THRAP3: variants seen among roughly 807,000 people sequenced by gnomAD.
The protein encoded by THRAP3 is thyroid hormone receptor-associated protein 3.
A neutral mutation model predicts 101.0 loss-of-function variants in THRAP3; 16 were observed. That is an observed-to-expected ratio of 0.16 (90% CI 0.11 to 0.24). The LOEUF is 0.24. Ranked by LOEUF, THRAP3 falls within the 10% of genes least tolerant of loss-of-function variation. The probability of loss-of-function intolerance (pLI) is 1.00; values close to 1 mark genes in which losing one functional copy is unlikely to be tolerated. For missense variants in THRAP3, 989 were observed against 1,202.7 expected, an observed-to-expected ratio of 0.82 and a Z score of 2.63; for synonymous variants, 407 against 422.6, an observed-to-expected ratio of 0.96 and a Z score of 0.45.
In THRAP3 at chr1:36,292,734, AG is replaced by A. The variant is rs760426994; in HGVS notation, c.2030+27del. 2.3e-5 allele frequency: 36 copies of A among 1,545,758 alleles called. No individual in the cohort carries two copies. In the South Asian group the frequency reaches 4.2e-4, roughly 18 times the overall value. On this transcript the variant is annotated intron_variant, in intron 7 of 11. Coordinates refer to ENST00000354618, the MANE Select transcript of THRAP3 (RefSeq NM_005119.4). ...GGTAAGGACCATGGCCTTATACTGGAGGTTGTAATAAAAGACTTTGTATCAG... is the reference window on the plus strand; with the variant it reads ...GGTAAGGACCATGGCCTTATACTGGAGTTGTAATAAAAGACTTTGTATCAG...
the THRAP3 span, among the ~76,000 whole-genome samples, chr1:36,217,376 A>G: frequency 6.6e-6 from 1 of 152,118 alleles, no homozygotes; most frequent in Non-Finnish European, 1.5e-5. Context: ...ACTCAAGGAG[A>G]GAGGTCACTC....
rs541267005 is a variant in THRAP3, at chr1:36,281,602, TTC to T, written c.-31-929_-31-928del. 3.5e-3 allele frequency among the ~76,000 whole-genome samples: 531 copies of T among 152,156 alleles called. 2 individuals carry two copies. The highest frequency in any genetic ancestry group is 4.2e-3 in the Non-Finnish European group (286 of 68,012). ...TCTTTTTTTTTTTTTTAATGTTACT[TTC>T]TGTTTTTAAAGTTTATTTTATTTAA... On this transcript the variant is annotated intron_variant, in intron 2 of 11. Coordinates refer to ENST00000354618, the MANE Select transcript of THRAP3 (RefSeq NM_005119.4).
chr1:36,289,577 A>G lies in THRAP3; in HGVS notation c.1558A>G (p.Asn520Asp). ...GGHRGFVPEK[N>D]FRVTAYKAVQ... ...GCACAGGGGCTTTGTGCCTGAGAAG[A>G]ATTTCCGAGTGACTGCTTATAAAGC... Residue 520 changes from asparagine (N) to aspartate (D), a missense_variant, in exon 5 of 12, where the codon AAT becomes GAT. Coordinates refer to ENST00000354618, the MANE Select transcript of THRAP3 (RefSeq NM_005119.4). 6.2e-7 allele frequency: 1 copy of G among 1,614,032 alleles called. No individual in the cohort carries two copies. Among genetic ancestry groups the G allele is most frequent in the Non-Finnish European group, 8.5e-7 (1 of 1,179,996 alleles).
At chr1:36,251,857 A>G (rs774022004) in intron 1 of THRAP3, among the ~76,000 whole-genome samples, 23 of 152,322 alleles carry the variant, frequency 1.5e-4, no homozygotes, top group African/African-American at 3.6e-4. Flanking sequence ...GGGACCACAG[A>G]TAGTGAGATT....
intron 1 of THRAP3, among the ~76,000 whole-genome samples, chr1:36,226,657 G>A (rs2124321684): frequency 6.6e-6 from 1 of 152,300 alleles, no homozygotes; most frequent in East Asian, 1.9e-4. Flanking sequence ...ATGCAAGGAA[G>A]TCTGGTTAAT....
the THRAP3 span, among the ~76,000 whole-genome samples, chr1:36,212,484 G>T: frequency 6.8e-6 from 1 of 146,574 alleles, no homozygotes; most frequent in Non-Finnish European, 1.5e-5. Context: ...GCAGTGGCGC[G>T]ATCTCGGCTC....
At chr1:36,301,225 A>G (rs899890131) in intron 10 of THRAP3, 141 bp downstream of exon 10, 1 of 910,004 alleles carries the variant, frequency 1.1e-6, no homozygotes, top group South Asian at 1.8e-5. Flanking sequence ...TCTCCTTCCC[A>G]CATTTCCTGG....
intron 3 of THRAP3, among the ~76,000 whole-genome samples, chr1:36,285,084 G>A (rs1388845074): frequency 6.6e-6 from 1 of 152,114 alleles, no homozygotes; most frequent in Admixed American, 6.5e-5. Flanking sequence ...TAAATTGAAT[G>A]TACTTTCTTC....
chr1:36,265,762 C>G (rs1234170086), intron 2 of THRAP3, among the ~76,000 whole-genome samples: 3 of 152,080 alleles, frequency 2.0e-5, no homozygotes, highest in African/African-American at 7.2e-5. Context: ...TACATATCAA[C>G]CCGTCATCTA....
intron 1 of THRAP3, among the ~76,000 whole-genome samples, chr1:36,240,381 G>T (rs756474430): frequency 6.6e-6 from 1 of 152,214 alleles, no homozygotes; most frequent in Non-Finnish European, 1.5e-5. Context: ...GGAGTCTGAT[G>T]TCTAAGGGCA....
chr1:36,298,550 G>A (rs1212434099), intron 9 of THRAP3, among the ~76,000 whole-genome samples: 1 of 152,128 alleles, frequency 6.6e-6, no homozygotes, highest in Non-Finnish European at 1.5e-5. Context: ...CTGGAGTGCA[G>A]TGGCACGATC....
At chr1:36,224,914 C>T (rs1237690256) in intron 1 of THRAP3, 1 of 152,304 alleles carries the variant, frequency 6.6e-6, no homozygotes, top group Non-Finnish European at 1.5e-5. Context: ...CGGTCTTCTC[C>T]TAGGGCGCAT....
At chr1:36,263,912 A>G (rs1372441081) in intron 2 of THRAP3, among the ~76,000 whole-genome samples, 1 of 152,200 alleles carries the variant, frequency 6.6e-6, no homozygotes, top group Non-Finnish European at 1.5e-5. Flanking sequence ...TGACCTTTTG[A>G]CTTAGGTCTT....
Position 36,282,439 on chromosome 1 carries a change from C to T in THRAP3, c.-31-94C>T, listed in dbSNP as rs950585225. ...TAGATATGGGGTCTTCTCAAGTTGC[C>T]CAGATTAAAAGAAATGTGTTTCTAA... On this transcript the variant is annotated intron_variant, in intron 2 of 11. Transcript: ENST00000354618. 18 of 963,040 alleles carry T rather than the reference C, an allele frequency of 1.9e-5. No homozygotes were observed. The Admixed American group carries it at 2.9e-4, about 16-fold the overall frequency. 59.7% of individuals were successfully genotyped at this position (963,040 alleles called of 1,614,324 possible).
chr1:36,274,094 A>AGT (rs1343233612), intron 2 of THRAP3, among the ~76,000 whole-genome samples: 3,398 of 150,826 alleles, frequency 0.023, 145 homozygotes, highest in African/African-American at 0.078. Context: ...ACACACACAC[A>AGT]CACACACACA....
At chr1:36,287,569 T>C (rs1032753550) in intron 4 of THRAP3, 1 of 985,304 alleles carries the variant, frequency 1.0e-6, no homozygotes, top group African/African-American at 1.7e-5. Context: ...CAGTAGAGAT[T>C]TGTGGGTCAG....
At chr1:36,287,354 CT>C in intron 4 of THRAP3, 84 bp downstream of exon 4, 2 of 1,444,286 alleles carry the variant, frequency 1.4e-6, no homozygotes, top group Non-Finnish European at 1.8e-6. Context: ...AGTTAGAGCT[CT>C]GATTAATGGT....
At chr1:36,236,802 C>T (rs1409499200) in intron 1 of THRAP3, among the ~76,000 whole-genome samples, 1 of 152,206 alleles carries the variant, frequency 6.6e-6, no homozygotes, top group Non-Finnish European at 1.5e-5. Flanking sequence ...TACCTCTATG[C>T]TGAAAGTAAA....
chr1:36,228,927 G>T (rs983599054), intron 1 of THRAP3, among the ~76,000 whole-genome samples: 10 of 152,072 alleles, frequency 6.6e-5, no homozygotes, highest in Non-Finnish European at 1.5e-4. Context: ...TTGACCCCAG[G>T]AGTTCAAGGT....
Sources: allele counts gnomAD v4.1 joint callset (sites outside exome capture counted in the v4.1 genomes callset), GRCh38; gene constraint gnomAD v4.1.1; transcripts MANE v1.5; gene names NCBI Gene and HGNC (gene_info 2026-07-23, HGNC 2026-07-21).